The following CNKSR2 variants were observed in gnomAD, a reference collection of about 807,000 sequenced individuals.
CNKSR2 encodes CNK homolog protein 2.
Under a neutral mutation model 84.4 loss-of-function variants are expected in CNKSR2, and 14 were observed. The observed-to-expected ratio is 0.17, with a 90% CI of 0.11 to 0.26. The LOEUF (loss-of-function observed/expected upper bound fraction) is 0.26, where lower values mean the gene tolerates loss of function less well. Ranked by LOEUF, CNKSR2 falls within the 10% of genes least tolerant of loss-of-function variation. The pLI is 1.00. For synonymous variants in CNKSR2, 275 were observed against 277.9 expected (o/e 0.99, Z 0.10); for missense variants, 485 against 771.2 (o/e 0.63, Z 4.40).
intron 4 of CNKSR2, 196 bp downstream of exon 4, chrX:21,440,977 A>G (rs1008115621): frequency 8.3e-5 from 26 of 313,640 alleles, no homozygotes; most frequent in South Asian, 2.6e-4. Flanking sequence ...ACCAGAAGAT[A>G]TAAAAGGAAC....
At chrX:21,616,300 T>C (rs1262761294) in intron 20 of CNKSR2, among the ~76,000 whole-genome samples, 1 of 111,961 alleles carries the variant, frequency 8.9e-6, no homozygotes, top group African/African-American at 3.2e-5. Flanking sequence ...TCCTGTCTTA[T>C]AGCACCTAAA....
chrX:21,650,288 A>T (rs778431410), intron 21 of CNKSR2, among the ~76,000 whole-genome samples: 1 of 110,504 alleles, frequency 9.0e-6, no homozygotes, highest in African/African-American at 3.3e-5. Context: ...GCATAGATGA[A>T]GCTGGAAACC....
intron 11 of CNKSR2, among the ~76,000 whole-genome samples, chrX:21,547,733 C>G (rs989358578): frequency 8.9e-6 from 1 of 111,773 alleles, no homozygotes; most frequent in Non-Finnish European, 1.9e-5. Flanking sequence ...AACAGTCTCT[C>G]AGACCACAGT....
At chrX:21,424,638 A>G in intron 1 of CNKSR2, 1 of 111,788 alleles carries the variant, frequency 8.9e-6, no homozygotes, top group South Asian at 3.7e-4. Flanking sequence ...GTATACTTTA[A>G]GTCATCTCTA....
chrX:21,584,578 G>T (rs1274707883), intron 13 of CNKSR2, among the ~76,000 whole-genome samples: 1 of 112,266 alleles, frequency 8.9e-6, no homozygotes, highest in Admixed American at 9.4e-5. Context: ...AACAATTTTG[G>T]ACAGGGAAGC....
intron 1 of CNKSR2, among the ~76,000 whole-genome samples, chrX:21,376,773 C>A (rs2089823043): frequency 1.8e-5 from 2 of 111,856 alleles, no homozygotes; most frequent in African/African-American, 6.5e-5. Flanking sequence ...AGTCTGATTA[C>A]CTTCATAGAC....
At chrX:21,598,519 A>AT (rs2092462844) in intron 17 of CNKSR2, among the ~76,000 whole-genome samples, 1 of 111,960 alleles carries the variant, frequency 8.9e-6, no homozygotes, top group Non-Finnish European at 1.9e-5. Context: ...ATTTTAAAGC[A>AT]TTGGTGATAT....
chrX:21,468,915 C>T (rs1419869028), intron 4 of CNKSR2, among the ~76,000 whole-genome samples: 1 of 111,855 alleles, frequency 8.9e-6, no homozygotes, highest in African/African-American at 3.2e-5. Context: ...ACAGCAGATT[C>T]TGCATGACAA....
intron 12 of CNKSR2, among the ~76,000 whole-genome samples, chrX:21,562,828 C>T (rs748824718): frequency 1.8e-5 from 2 of 110,773 alleles, no homozygotes; most frequent in Non-Finnish European, 1.9e-5. Context: ...TGCCACGGGC[C>T]GGTGTTTGTT....
At chrX:21,463,456 C>T (rs887655447) in intron 4 of CNKSR2, among the ~76,000 whole-genome samples, 3 of 111,184 alleles carry the variant, frequency 2.7e-5, no homozygotes, top group Admixed American at 9.6e-5. Flanking sequence ...GCCATTATGT[C>T]CCCAGCTTTC....
chrX:21,484,184 G>A (rs2091354945), intron 5 of CNKSR2, among the ~76,000 whole-genome samples: 1 of 110,950 alleles, frequency 9.0e-6, no homozygotes, highest in African/African-American at 3.3e-5. Flanking sequence ...CCAGCTACTT[G>A]GGAGGCTAAG....
intron 11 of CNKSR2, among the ~76,000 whole-genome samples, chrX:21,533,574 T>C (rs1349124176): frequency 6.3e-5 from 7 of 111,496 alleles, no homozygotes; most frequent in Admixed American, 4.7e-4. Context: ...TGGCTATAAA[T>C]TGGTAGTCCC....
intron 1 of CNKSR2, among the ~76,000 whole-genome samples, chrX:21,388,002 C>G (rs965104530): frequency 3.6e-5 from 4 of 110,336 alleles, no homozygotes; most frequent in African/African-American, 1.3e-4. Context: ...CGGGTTCACG[C>G]CATTCTTCTG....
In CNKSR2 at chrX:21,454,296, A is replaced by G. The variant is rs187293761; in HGVS notation, c.519+13515A>G. ...ATGAAGTCTGAAATTTCGGTTTCCT[A>G]ATAGTGACTATTTTGATGATTTTAT... is the stretch of plus-strand genomic sequence containing the variant. On this transcript the variant is annotated intron_variant, in intron 4 of 21. Transcript: ENST00000379510. Among the ~76,000 whole-genome samples, 5 of 112,183 alleles carry G rather than the reference A, an allele frequency of 4.5e-5. No individual in the cohort carries two copies. In the East Asian group the frequency reaches 1.1e-3, roughly 25 times the overall value.
At chrX:21,552,554 A>G (rs1410088532) in intron 11 of CNKSR2, among the ~76,000 whole-genome samples, 1 of 112,075 alleles carries the variant, frequency 8.9e-6, no homozygotes, top group Non-Finnish European at 1.9e-5. Context: ...TAAGTTCCAA[A>G]CAGCTGACTT....
chrX:21,483,861 G>C (rs1290492532), intron 5 of CNKSR2, among the ~76,000 whole-genome samples: 1 of 110,466 alleles, frequency 9.1e-6, no homozygotes, highest in Non-Finnish European at 1.9e-5. Context: ...CTTAATATCA[G>C]AATAAATGTA....
intron 11 of CNKSR2, among the ~76,000 whole-genome samples, chrX:21,555,911 G>GCAATTCAGTGGTGTTTCAA (rs1346906985): frequency 9.0e-6 from 1 of 110,877 alleles, no homozygotes; most frequent in African/African-American, 3.3e-5. Context: ...GAAAAAGGCA[G>GCAATTCAGTGGTGTTTCAA]CAATTCAGTG....
At chrX:21,550,084 T>C (rs772564044) in intron 11 of CNKSR2, among the ~76,000 whole-genome samples, 1 of 111,834 alleles carries the variant, frequency 8.9e-6, no homozygotes, top group South Asian at 3.7e-4. Flanking sequence ...CTAATTGAAC[T>C]AAAGAGCTTC....
chrX:21,446,516 T>C (rs2090857541), intron 4 of CNKSR2, among the ~76,000 whole-genome samples: 2 of 111,434 alleles, frequency 1.8e-5, no homozygotes, highest in South Asian at 7.5e-4. Context: ...CAAAGGACTC[T>C]AGAAGAGTGG....
Sources: allele counts gnomAD v4.1 joint callset (sites outside exome capture counted in the v4.1 genomes callset), GRCh38; gene constraint gnomAD v4.1.1; transcripts MANE v1.5; gene names NCBI Gene and HGNC (gene_info 2026-07-23, HGNC 2026-07-21).